GALNT9: variants seen among roughly 807,000 people sequenced by gnomAD.
The protein encoded by GALNT9 is GalNAc transferase 9.
In GALNT9, 47 loss-of-function variants were observed where a neutral mutation model predicts 63.1. The observed-to-expected ratio is 0.75, with a 90% confidence interval of 0.59 to 0.95. GALNT9 has a LOEUF of 0.95. GALNT9 is among the 40% of genes least tolerant of loss of function. The pLI is 0.00. For missense variants in GALNT9, 829 were observed against 874.8 expected, an observed-to-expected ratio of 0.95 and a Z score of 0.66; for synonymous variants, 396 against 365.7, an observed-to-expected ratio of 1.08 and a Z score of -0.94.
chr12:132,256,757 TCA>T (rs1376114942), intron 5 of GALNT9, among the ~76,000 whole-genome samples: 27 of 152,154 alleles, frequency 1.8e-4, no homozygotes, highest in African/African-American at 6.0e-4. Context: ...CTGCACCGAT[TCA>T]CAGTCCTGCC....
intron 1 of GALNT9, among the ~76,000 whole-genome samples, chr12:132,293,817 C>G (rs111799668): frequency 0.069 from 10,469 of 151,628 alleles, 527 homozygotes; most frequent in Non-Finnish European, 0.1. Context: ...ACAGTCAGGG[C>G]CAGAACGAGA....
chr12:132,238,711 C>T lies in GALNT9; in HGVS notation c.1077+9199G>A, dbSNP rs1878094958. ...GCCTCTCTGGGCCTCAGCTCCTCCC[C>T]AGGGCTGTGGGAGGGGCCAGGAGAA... is the stretch of plus-strand genomic sequence containing the variant. On this transcript the variant is annotated intron_variant, in intron 6 of 10. Coordinates refer to ENST00000328957, the MANE Select transcript of GALNT9 (RefSeq NM_001122636.2). The surrounding 1 kb of genome is among the most constrained non-coding windows in gnomAD (Gnocchi z 6.5). Among the ~76,000 whole-genome samples, 2 of 152,096 alleles carry T rather than the reference C, an allele frequency of 1.3e-5. No homozygotes were observed. Among genetic ancestry groups the T allele is most frequent in the South Asian group, 4.1e-4 (2 of 4,828 alleles).
In GALNT9 at chr12:132,246,992, A is replaced by G. The variant is rs1348839476; in HGVS notation, c.1077+918T>C. 6.6e-6 allele frequency among the ~76,000 whole-genome samples: 1 copy of G among 152,284 alleles called. No individual in the cohort carries two copies. Among genetic ancestry groups the G allele is most frequent in the East Asian group, 1.9e-4 (1 of 5,208 alleles). On this transcript the variant is annotated intron_variant, in intron 6 of 10. Transcript: ENST00000328957. The surrounding 1 kb of genome is among the most constrained non-coding windows in gnomAD (Gnocchi z 4.7). ...AAAGGTGCAACTTAATAAACTACATATAAATTTTTAAAACTAGCCTTAACT... is the reference window on the plus strand; with the variant it reads ...AAAGGTGCAACTTAATAAACTACATGTAAATTTTTAAAACTAGCCTTAACT...
rs142202568 is a variant in GALNT9 at position 132,266,529 on chromosome 12, C to T, written c.420-3904G>A. 4.2e-3 allele frequency among the ~76,000 whole-genome samples: 640 copies of T among 152,258 alleles called. 3 individuals carry two copies. The highest frequency in any genetic ancestry group is 6.7e-3 in the African/African-American group (277 of 41,550). ...CAGGAGGCCATGTGGAGGTGGAGGC[C>T]GAGACTCGAATGGCACGGCCACGAG... On this transcript the variant is annotated intron_variant, in intron 2 of 10. Transcript: ENST00000328957.
intron 2 of GALNT9, chr12:132,280,325 C>T (rs556084796): frequency 6.6e-6 from 1 of 152,236 alleles, no homozygotes; most frequent in East Asian, 1.9e-4. Context: ...TGTCTCTTCT[C>T]CAAGGTGAGG....
In GALNT9 at chr12:132,329,312, G is replaced by A. The variant is rs868909521; in HGVS notation, c.-109C>T. The A allele has an allele frequency of 2.1e-6, 3 of 1,422,038 alleles. No individual in the cohort carries two copies. Among genetic ancestry groups the A allele is most frequent in the Middle Eastern group, 2.0e-4 (1 of 5,084 alleles). The allele number at this position is 1,422,038 out of a possible 1,614,324, so 88.1% of individuals were successfully genotyped here. On this transcript the variant is annotated 5_prime_UTR_variant, in exon 1 of 11. Transcript: ENST00000328957. The stretch of plus-strand genomic sequence containing the variant: ...ACCATGAGCCGCCCGGGGCTGCGGG[G>A]GCTGCGGGGCTCGGCCGGAGCTGTC...
intron 6 of GALNT9, among the ~76,000 whole-genome samples, chr12:132,235,284 G>A (rs908109180): frequency 6.6e-6 from 1 of 151,990 alleles, no homozygotes; most frequent in Non-Finnish European, 1.5e-5. Context: ...GTGAGGAGCC[G>A]GGTGCGGTGG....
intron 6 of GALNT9, among the ~76,000 whole-genome samples, chr12:132,228,600 C>A (rs1877787720): frequency 7.1e-6 from 1 of 140,134 alleles, no homozygotes; most frequent in East Asian, 1.9e-4. Context: ...GCAAAAGCCA[C>A]CCCCCCGGCC....
rs1293797355 is a variant in GALNT9 at position 132,310,099 on chromosome 12, T to A, written c.238+18867A>T. On this transcript the variant is annotated intron_variant, in intron 1 of 10. Coordinates refer to ENST00000328957, the MANE Select transcript of GALNT9 (RefSeq NM_001122636.2). This position sits in a 1 kb window ranked among gnomAD's most constrained non-coding sequence, Gnocchi z 4.8. ...TTTTCACCTTTTATCCACAGCCCTGTACTGTTTTTCGTGCCTGGAACCAGG... is the reference window on the plus strand; with the variant it reads ...TTTTCACCTTTTATCCACAGCCCTGAACTGTTTTTCGTGCCTGGAACCAGG... Among the ~76,000 whole-genome samples the A allele has an allele frequency of 6.6e-6, 1 of 152,206 alleles. No individual in the cohort carries two copies.
chr12:132,280,137 C>T (rs1880280108), intron 2 of GALNT9: 1 of 152,318 alleles, frequency 6.6e-6, no homozygotes, highest in African/African-American at 2.4e-5. Flanking sequence ...TGAGAGCAGG[C>T]AGGGGCTGGA....
intron 2 of GALNT9, among the ~76,000 whole-genome samples, chr12:132,271,201 C>G (rs1219880474): frequency 6.6e-6 from 1 of 151,870 alleles, no homozygotes; most frequent in African/African-American, 2.4e-5. Flanking sequence ...ACGTGAACAG[C>G]CTGTGTGTGT....
chr12:132,307,678 A>C (rs1462875013), intron 1 of GALNT9, among the ~76,000 whole-genome samples: 1 of 151,494 alleles, frequency 6.6e-6, no homozygotes, highest in Admixed American at 6.6e-5. Context: ...CTAAAAAAAA[A>C]AAAAAAATAG....
Position 132,245,937 on chromosome 12 carries a change from CTT to C in GALNT9, c.1077+1971_1077+1972del, listed in dbSNP as rs1263477349. 1.3e-5 allele frequency among the ~76,000 whole-genome samples: 2 copies of C among 152,244 alleles called. No individual in the cohort carries two copies. Among genetic ancestry groups the C allele is most frequent in the Non-Finnish European group, 2.9e-5 (2 of 68,042 alleles). On this transcript the variant is annotated intron_variant, in intron 6 of 10. Coordinates refer to ENST00000328957, the MANE Select transcript of GALNT9 (RefSeq NM_001122636.2). This position sits in a 1 kb window ranked among gnomAD's most constrained non-coding sequence, Gnocchi z 6.3. ...CCCAGGGGTCCCGTCCTCCCTCGCTCTTCGGCCTCGGTGGTGGCTGCGCACTG... is the reference window on the plus strand; with the variant it reads ...CCCAGGGGTCCCGTCCTCCCTCGCTCCGGCCTCGGTGGTGGCTGCGCACTG...
At chr12:132,313,819 CA>C (rs1881915938) in intron 1 of GALNT9, among the ~76,000 whole-genome samples, 1 of 102,414 alleles carries the variant, frequency 9.8e-6, no homozygotes, top group Non-Finnish European at 1.9e-5. Context: ...CCCATCCACC[CA>C]CCCAGCCACC....
intron 1 of GALNT9, among the ~76,000 whole-genome samples, chr12:132,288,736 C>T (rs868964056): frequency 7.3e-5 from 11 of 151,158 alleles, no homozygotes; most frequent in Middle Eastern, 3.2e-3. Context: ...GCCCGATGCC[C>T]AGCATTGGGG....
chr12:132,317,538 A>G (rs967115853), intron 1 of GALNT9, among the ~76,000 whole-genome samples: 4 of 152,240 alleles, frequency 2.6e-5, no homozygotes, highest in Non-Finnish European at 5.9e-5. Context: ...GAACAGCACA[A>G]TTGGATCACA....
intron 5 of GALNT9, among the ~76,000 whole-genome samples, chr12:132,254,103 C>T (rs1879026634): frequency 1.3e-5 from 2 of 151,894 alleles, no homozygotes; most frequent in African/African-American, 4.8e-5. Context: ...CTCACTATAA[C>T]CTCTGCCTCC....
At chr12:132,211,385 TATA>T (rs1305340717) in intron 6 of GALNT9, among the ~76,000 whole-genome samples, 2 of 152,204 alleles carry the variant, frequency 1.3e-5, no homozygotes, top group African/African-American at 4.8e-5. Context: ...TGAGCCTAGT[TATA>T]ATGATTTAAA....
chr12:132,197,753 C>G, intron 10 of GALNT9, 39 bp downstream of exon 10: 1 of 1,329,510 alleles, frequency 7.5e-7, no homozygotes, highest in Non-Finnish European at 1.0e-6. Flanking sequence ...CAGCCCTGCC[C>G]CGCCCCAACC....
Sources: allele counts gnomAD v4.1 joint callset (sites outside exome capture counted in the v4.1 genomes callset), GRCh38; gene constraint gnomAD v4.1.1; non-coding constraint Gnocchi (gnomAD v3.1); transcripts MANE v1.5; gene names NCBI Gene and HGNC (gene_info 2026-07-23, HGNC 2026-07-21).